Variants in SOS1 observed in about 807,000 individuals in gnomAD.
SOS1 encodes the protein SOS Ras/Rac guanine nucleotide exchange factor 1.
A neutral mutation model predicts 157.6 loss-of-function variants in SOS1; 25 were observed. That is an observed-to-expected ratio of 0.16 (90% CI 0.12 to 0.22). The LOEUF (loss-of-function observed/expected upper bound fraction) is 0.22. SOS1 is among the 10% of genes least tolerant of loss of function. SOS1 has a pLI of 1.00. For missense variants in SOS1, 1,237 were observed against 1,599.1 expected, an observed-to-expected ratio of 0.77 and a Z score of 3.86; for synonymous variants, 528 against 534.0, an observed-to-expected ratio of 0.99 and a Z score of 0.16.
intron 1 of SOS1, among the ~76,000 whole-genome samples, chr2:39,083,041 T>C (rs1672262370): frequency 6.6e-6 from 1 of 152,264 alleles, no homozygotes. Flanking sequence ...TCAGCAGACG[T>C]AGATAAAATT....
At chr2:39,028,094 C>T (rs1670029508) in intron 8 of SOS1, among the ~76,000 whole-genome samples, 1 of 152,150 alleles carries the variant, frequency 6.6e-6, no homozygotes, top group Non-Finnish European at 1.5e-5. Flanking sequence ...AGGCATGAGC[C>T]ACTGTGCCCA....
chr2:39,061,878 T>C (rs1671415975), intron 2 of SOS1, among the ~76,000 whole-genome samples: 1 of 152,158 alleles, frequency 6.6e-6, no homozygotes, highest in Non-Finnish European at 1.5e-5. Flanking sequence ...GATTCACCTC[T>C]ATTATTAGCA....
At position 39,035,403 on chromosome 2, in the gene SOS1, G is replaced by A. The variant is rs148749327; in HGVS notation, c.962C>T (p.Ala321Val). 6.2e-6 allele frequency: 10 copies of A among 1,612,080 alleles called. No individual in the cohort carries two copies. The highest frequency in any genetic ancestry group is 8.5e-6 in the Non-Finnish European group (10 of 1,178,286). ...FLSQLSKPGA[A>V]LYLQSIGEGF... is the part of the protein sequence containing the mutation. ...AAATTACTATACCTGCAAATAAAGTGCTGCCCCAGGCTTTGATAACTGACT... is the reference window on the plus strand; with the variant it reads ...AAATTACTATACCTGCAAATAAAGTACTGCCCCAGGCTTTGATAACTGACT... Residue 321 changes from alanine to valine, a missense_variant, in exon 7 of 23, where the codon GCA (alanine) becomes GTA (valine). Around this residue, in one of 15 missense-constraint regions of SOS1, gnomAD observed 101 missense variants for 171.5 expected, o/e 0.59. Transcript: ENST00000402219.
chr2:39,062,065 T>G (rs1437212785), intron 2 of SOS1, among the ~76,000 whole-genome samples: 8 of 151,904 alleles, frequency 5.3e-5, no homozygotes, highest in Non-Finnish European at 4.4e-5. Flanking sequence ...TTTAGAAAGG[T>G]AGAAAATATG....
intron 1 of SOS1, among the ~76,000 whole-genome samples, chr2:39,081,294 C>A (rs778358670): frequency 5.3e-5 from 8 of 152,012 alleles, no homozygotes; most frequent in Non-Finnish European, 1.2e-4. Context: ...CGTGGGCTGG[C>A]GGATCACTGG....
In SOS1 at chr2:39,044,334, C is replaced by T. The variant is rs75007339; in HGVS notation, c.864+6810G>A. On this transcript the variant is annotated intron_variant, in intron 6 of 22. Transcript: ENST00000402219. ...ACCTAGTATGTGTGTTTCCTTTTCC[C>T]GTTGATCAGCCATGAGAACTTTTGT... 2.2e-4 allele frequency among the ~76,000 whole-genome samples: 34 copies of T among 152,250 alleles called. No individual in the cohort carries two copies. The East Asian group carries it at 6.2e-3, about 28-fold the overall frequency.
Position 39,007,079 on chromosome 2 carries a change from G to C in SOS1, c.2625C>G (p.Val875=). Residue 875 remains valine (V), a synonymous_variant, in exon 16 of 23, where the codon GTC becomes GTG. Coordinates refer to ENST00000402219, the MANE Select transcript of SOS1 (RefSeq NM_005633.4). ...AAACAGGTGATGAATTCATAGCACT[G>C]ACAACCTCAAGGACACCATTAAAGT... The part of the protein sequence containing the change: ...LNNFNGVLEV[V]SAMNSSPVYR... The C allele has an allele frequency of 6.2e-7, 1 of 1,610,572 alleles. No homozygotes were observed. Among genetic ancestry groups the C allele is most frequent in the Non-Finnish European group, 8.5e-7 (1 of 1,176,918 alleles).
chr2:39,075,843 C>T (rs1671952804), intron 1 of SOS1, among the ~76,000 whole-genome samples: 1 of 152,018 alleles, frequency 6.6e-6, no homozygotes. Context: ...AAGCTTTGAA[C>T]ATTTAGGTAA....
intron 6 of SOS1, among the ~76,000 whole-genome samples, chr2:39,050,810 G>A (rs1022691533): frequency 5.9e-5 from 9 of 152,126 alleles, no homozygotes; most frequent in African/African-American, 2.2e-4. Flanking sequence ...TGGAACACAA[G>A]TAATCTGACC....
Position 39,075,841 on chromosome 2 carries a change from A to G in SOS1, c.88-8088T>C, listed in dbSNP as rs146210874. On this transcript the variant is annotated intron_variant, in intron 1 of 22. Coordinates refer to ENST00000402219, the MANE Select transcript of SOS1 (RefSeq NM_005633.4). Reference sequence around the variant, plus strand: ...ATGAAAAACTTCAAATCAAGCTTTGAACATTTAGGTAAAGTGAACAAATTC... The same window carrying G: ...ATGAAAAACTTCAAATCAAGCTTTGGACATTTAGGTAAAGTGAACAAATTC... Among the ~76,000 whole-genome samples the G allele has an allele frequency of 2.6e-3, 401 of 152,306 alleles. 3 individuals carry two copies. The highest frequency in any genetic ancestry group is 9.3e-3 in the African/African-American group (385 of 41,584).
intron 8 of SOS1, among the ~76,000 whole-genome samples, chr2:39,031,519 C>G (rs1376123625): frequency 6.6e-6 from 1 of 152,150 alleles, no homozygotes; most frequent in African/African-American, 2.4e-5. Context: ...CACTTGAGGT[C>G]AGGAGTTCGT....
intron 22 of SOS1, among the ~76,000 whole-genome samples, chr2:38,986,865 C>CA (rs1668575352): frequency 6.6e-6 from 1 of 152,106 alleles, no homozygotes; most frequent in Admixed American, 6.6e-5. Flanking sequence ...ACTATGTTAA[C>CA]ATTCATGAAG....
At chr2:39,122,255 A>C (rs2148246852), upstream of SOS1, among the ~76,000 whole-genome samples, 1 of 151,512 alleles carries the variant, frequency 6.6e-6, no homozygotes, top group East Asian at 2.0e-4. Context: ...CACTGTGAAA[A>C]CCTGTCTCCA....
upstream of SOS1, among the ~76,000 whole-genome samples, chr2:39,121,992 C>A (rs1572908465): frequency 2.0e-5 from 3 of 152,290 alleles, no homozygotes; most frequent in East Asian, 5.8e-4. Context: ...GAGGAACTAG[C>A]CTGGGTTAAA....
intron 15 of SOS1, among the ~76,000 whole-genome samples, chr2:39,008,874 C>T (rs1219490364): frequency 1.4e-5 from 2 of 139,334 alleles, no homozygotes; most frequent in African/African-American, 2.7e-5. Flanking sequence ...AGAGTTGCTA[C>T]ACTATATTAT....
At chr2:39,068,926 G>C (rs532539772) in intron 1 of SOS1, among the ~76,000 whole-genome samples, 4 of 152,112 alleles carry the variant, frequency 2.6e-5, no homozygotes, top group African/African-American at 9.6e-5. Context: ...TCCAACAGGT[G>C]GTAGGGCACT....
chr2:39,046,495 C>CTTTTTTTTTTT lies in SOS1; in HGVS notation c.864+4638_864+4648dup, dbSNP rs201639147. On this transcript the variant is annotated intron_variant, in intron 6 of 22. Transcript: ENST00000402219. Reference sequence around the variant, plus strand: ...TTATTTATTTATTTTGAGACAGTGTCTTTTTTTTTTTTTTTTTTTTTTTTT... The same window carrying CTTTTTTTTTTT: ...TTATTTATTTATTTTGAGACAGTGTCTTTTTTTTTTTTTTTTTTTTTTTTTTTTTTTTTTTT... Among the ~76,000 whole-genome samples the CTTTTTTTTTTT allele has an allele frequency of 2.9e-4, 36 of 124,394 alleles. 3 individuals carry two copies. The highest frequency in any genetic ancestry group is 1.1e-3 in the African/African-American group (33 of 30,270). The allele number at this position is 124,394 out of a possible 152,430, so 81.6% of individuals were successfully genotyped here. A position where few individuals can be genotyped will look rare whatever the true frequency, so the allele number is the denominator to read the frequency against.
chr2:39,113,808 C>T (rs1030118559), intron 1 of SOS1, among the ~76,000 whole-genome samples: 3 of 152,208 alleles, frequency 2.0e-5, no homozygotes, highest in African/African-American at 7.2e-5. Flanking sequence ...TTTGTCATCT[C>T]CAAGCAAGAA....
chr2:39,024,290 G>A (rs1669886849), intron 8 of SOS1, among the ~76,000 whole-genome samples, 153 bp from the exon 9 acceptor site: 1 of 152,026 alleles, frequency 6.6e-6, no homozygotes, highest in African/African-American at 2.4e-5. Flanking sequence ...TGTTTTTCTT[G>A]TGTGTTACTA....
Sources: allele counts gnomAD v4.1 joint callset (sites outside exome capture counted in the v4.1 genomes callset), GRCh38; gene constraint gnomAD v4.1.1; regional missense constraint gnomAD v4.1.1; transcripts MANE v1.5; gene names NCBI Gene and HGNC (gene_info 2026-07-23, HGNC 2026-07-21).